Variants in P2RY8 observed in about 807,000 individuals in gnomAD.
P2RY8 encodes the protein S-geranylgeranyl-glutathione receptor P2RY8.
In P2RY8, 6 loss-of-function variants were observed where a neutral mutation model predicts 10.0. The ratio of observed to expected loss-of-function variants is 0.60; its 90% confidence interval spans 0.33 to 1.19. The LOEUF (loss-of-function observed/expected upper bound fraction) is 1.19, where lower values mean the gene tolerates loss of function less well. Ranked by LOEUF, P2RY8 falls within the 50% of genes most tolerant of loss-of-function variation. The pLI is 0.04. For missense variants in P2RY8, 456 were observed against 542.0 expected, an observed-to-expected ratio of 0.84 and a Z score of 1.58; for synonymous variants, 276 against 252.5, an observed-to-expected ratio of 1.09 and a Z score of -0.88.
At chrX:1,478,249 A>ATGTGTGTG (rs745819761) in intron 1 of P2RY8, among the ~76,000 whole-genome samples, 2,855 of 148,434 alleles carry the variant, frequency 0.019, 81 homozygotes, top group African/African-American at 0.062. Context: ...TGGCAGGCGT[A>ATGTGTGTG]TGTGTGTGTG....
intron 1 of P2RY8, among the ~76,000 whole-genome samples, chrX:1,522,044 C>T (rs1569538615): frequency 6.7e-6 from 1 of 149,500 alleles, no homozygotes; most frequent in Non-Finnish European, 1.5e-5. Context: ...CCTCCGCCTC[C>T]CGGGTTCAGG....
rs1434567111 is a variant in P2RY8, at chrX:1,535,716, GACACACACACAGACAC to G, written c.-25+1189_-25+1204del. Among the ~76,000 whole-genome samples the G allele has an allele frequency of 8.9e-5, 13 of 146,308 alleles. No homozygotes were observed. In the East Asian group the frequency reaches 1.4e-3, roughly 16 times the overall value. On this transcript the variant is annotated intron_variant, in intron 1 of 1. Coordinates refer to ENST00000381297, the MANE Select transcript of P2RY8 (RefSeq NM_178129.5). ...AACCACACACACACACACACACACA[GACACACACACAGACAC>G]ACACACACACACACACACAAACCCT... is the stretch of plus-strand genomic sequence containing the variant.
chrX:1,529,543 C>T (rs1411031190), intron 1 of P2RY8, among the ~76,000 whole-genome samples: 1 of 151,822 alleles, frequency 6.6e-6, no homozygotes, highest in Admixed American at 6.6e-5. Flanking sequence ...TGGGAAGATG[C>T]TCAGTGCCCT....
At chrX:1,530,797 ATCTC>A (rs201364257) in intron 1 of P2RY8, among the ~76,000 whole-genome samples, 1 of 149,704 alleles carries the variant, frequency 6.7e-6, no homozygotes, top group East Asian at 2.0e-4. Flanking sequence ...TTTTCTATCT[ATCTC>A]TATTATCTAT....
At chrX:1,504,885 C>T (rs1257886732) in intron 1 of P2RY8, among the ~76,000 whole-genome samples, 1 of 152,128 alleles carries the variant, frequency 6.6e-6, no homozygotes, top group Non-Finnish European at 1.5e-5. Flanking sequence ...GTCATCCCAG[C>T]ACTTTGGGAA....
Position 1,466,165 on chromosome X carries a change from T to C in P2RY8, c.394A>G (p.Lys132Glu). The C allele has an allele frequency of 6.2e-7, 1 of 1,612,242 alleles. No individual in the cohort carries two copies. Among genetic ancestry groups the C allele is most frequent in the Non-Finnish European group, 8.5e-7 (1 of 1,179,328 alleles). The change falls in exon 2 of 2, where the codon AAG (lysine) becomes GAG (glutamate). Residue 132 changes from lysine (K) to glutamate (E), a missense_variant. Lys to Glu is a moderately conservative substitution (Grantham distance 56, BLOSUM62 1). Coordinates refer to ENST00000381297, the MANE Select transcript of P2RY8 (RefSeq NM_178129.5). ...FLGVLYPLSS[K>E]RWRRRRYAVA... ...GCGTAACGACGGCGGCGCCAGCGCT[T>C]GGAGCTGAGCGGGTACAGGACCCCC... is the stretch of plus-strand genomic sequence containing the variant.
chrX:1,492,905 C>A (rs2092067440), intron 1 of P2RY8, among the ~76,000 whole-genome samples: 1 of 152,004 alleles, frequency 6.6e-6, no homozygotes, highest in African/African-American at 2.4e-5. Context: ...CCCACCTCTG[C>A]CTCTTTCTGG....
intron 1 of P2RY8, among the ~76,000 whole-genome samples, chrX:1,518,762 A>G (rs1428309827): frequency 6.6e-6 from 1 of 152,012 alleles, no homozygotes; most frequent in Non-Finnish European, 1.5e-5. Context: ...TGTGGTTCAC[A>G]ATAATCTTTC....
intron 1 of P2RY8, among the ~76,000 whole-genome samples, chrX:1,512,511 C>T (rs2092306071): frequency 7.1e-6 from 1 of 140,428 alleles, no homozygotes; most frequent in East Asian, 2.2e-4. Flanking sequence ...CATGCCATTG[C>T]ACTCCAGCCT....
At chrX:1,477,583 T>C (rs2091889936) in intron 1 of P2RY8, among the ~76,000 whole-genome samples, 1 of 152,224 alleles carries the variant, frequency 6.6e-6, no homozygotes, top group Non-Finnish European at 1.5e-5. Flanking sequence ...ATCAATTATT[T>C]ATCCATTCAA....
intron 1 of P2RY8, among the ~76,000 whole-genome samples, chrX:1,480,233 G>A (rs183220719): frequency 6.6e-6 from 1 of 152,224 alleles, no homozygotes; most frequent in African/African-American, 2.4e-5. Flanking sequence ...CCTGAAGGGT[G>A]AGAGGTTTCA....
intron 1 of P2RY8, among the ~76,000 whole-genome samples, chrX:1,520,114 G>A (rs6644606): frequency 0.72 from 108,891 of 150,548 alleles, 40,148 homozygotes; most frequent in East Asian, 0.97. Flanking sequence ...ATAATCTCTG[G>A]TCCCTAATCA....
intron 1 of P2RY8, among the ~76,000 whole-genome samples, chrX:1,526,141 C>G (rs1349137125): frequency 1.3e-5 from 2 of 150,492 alleles, no homozygotes; most frequent in Admixed American, 1.3e-4. Context: ...ATTCATGAAT[C>G]CATTCGTTCA....
chrX:1,519,367 T>C (rs2092374512), intron 1 of P2RY8, among the ~76,000 whole-genome samples: 1 of 150,418 alleles, frequency 6.6e-6, no homozygotes, highest in Non-Finnish European at 1.5e-5. Flanking sequence ...ATTCCAATAT[T>C]CTCTCTGGTC....
chrX:1,526,680 T>TCATCCATCCATCCATCCATC (rs1159146608), intron 1 of P2RY8, among the ~76,000 whole-genome samples: 39 of 151,442 alleles, frequency 2.6e-4, no homozygotes, highest in African/African-American at 9.5e-4. Context: ...TATTCAGCAT[T>TCATCCATCCATCCATCCATC]CATCCATCCA....
At chrX:1,531,308 C>T (rs1341456561) in intron 1 of P2RY8, among the ~76,000 whole-genome samples, 4 of 152,178 alleles carry the variant, frequency 2.6e-5, no homozygotes, top group African/African-American at 9.7e-5. Context: ...CCAAATGTCA[C>T]TAGTGCTCCA....
chrX:1,525,963 C>T (rs1182289175), intron 1 of P2RY8, among the ~76,000 whole-genome samples: 2 of 151,874 alleles, frequency 1.3e-5, no homozygotes, highest in Non-Finnish European at 2.9e-5. Context: ...AATACACCCA[C>T]TATTCACTCA....
intron 1 of P2RY8, among the ~76,000 whole-genome samples, chrX:1,532,857 G>A (rs1474339304): frequency 5.3e-4 from 80 of 151,816 alleles, no homozygotes; most frequent in Non-Finnish European, 4.4e-5. Flanking sequence ...AAAATTAACC[G>A]GGTGTGGTGG....
At chrX:1,527,301 T>C (rs189248664) in intron 1 of P2RY8, among the ~76,000 whole-genome samples, 38 of 152,236 alleles carry the variant, frequency 2.5e-4, no homozygotes, top group African/African-American at 8.4e-4. Flanking sequence ...ATTCATTCCT[T>C]ATCCATCCAC....
Sources: gnomAD v4.1 joint callset for allele counts (sites outside exome capture counted in the v4.1 genomes callset) on GRCh38, gnomAD v4.1.1 for gene constraint, MANE v1.5 for transcripts, NCBI Gene and HGNC (gene_info 2026-07-23, HGNC 2026-07-21) for gene names.